SLC45A4: variants seen among roughly 807,000 people sequenced by gnomAD.
The protein encoded by SLC45A4 is solute carrier family 45 member 4, also known as polyamine-transporter SLC45A4.
A neutral mutation model predicts 63.7 loss-of-function variants in SLC45A4; 32 were observed. That is an observed-to-expected ratio of 0.50 (90% CI 0.38 to 0.67). The LOEUF (loss-of-function observed/expected upper bound fraction) is 0.67. Among genes scored for constraint, SLC45A4 ranks in the 30% least tolerant of loss-of-function variants. SLC45A4 has a pLI of 0.00. For synonymous variants in SLC45A4, 535 were observed against 510.0 expected (o/e 1.05, Z -0.66); for missense variants, 1,027 against 1,157.7 (o/e 0.89, Z 1.64).
intron 1 of SLC45A4, among the ~76,000 whole-genome samples, chr8:141,271,028 G>C (rs954094100): frequency 6.6e-6 from 1 of 152,186 alleles, no homozygotes; most frequent in African/African-American, 2.4e-5. Context: ...CAGAGTAAAG[G>C]ACCTACAATG....
At chr8:141,299,898 AT>A (rs906992224) in intron 1 of SLC45A4, among the ~76,000 whole-genome samples, 1 of 152,182 alleles carries the variant, frequency 6.6e-6, no homozygotes, top group African/African-American at 2.4e-5. Context: ...CCAATGGAGG[AT>A]CCCCTTTCCA....
chr8:141,217,229 C>G, intron 5 of SLC45A4, 40 bp from the exon 6 acceptor site: 4 of 1,583,706 alleles, frequency 2.5e-6, no homozygotes, highest in Non-Finnish European at 3.5e-6. Context: ...AGGGCATCTG[C>G]TGGGCCCTCC....
rs1189253603 is a variant in SLC45A4 at position 141,221,640 on chromosome 8, T to G, written c.367A>C (p.Ile123Leu). Reference protein sequence around the residue: ...TLSWGRRRPFILALCVGVLFG... With the variant: ...TLSWGRRRPFLLALCVGVLFG... ...AGGACGCCAACGCAGAGGGCGAGGATGAAGGGCCGCCGGCGGCCCCAGCTC... is the reference window on the plus strand; with the variant it reads ...AGGACGCCAACGCAGAGGGCGAGGAGGAAGGGCCGCCGGCGGCCCCAGCTC... Residue 123 changes from isoleucine (I) to leucine (L), a missense_variant, in exon 3 of 9, where the codon ATC becomes CTC. Ile to Leu is a conservative substitution (Grantham distance 5, BLOSUM62 2). Transcript: ENST00000517878. 3.1e-6 allele frequency: 5 copies of G among 1,613,836 alleles called. No individual in the cohort carries two copies. Among genetic ancestry groups the G allele is most frequent in the South Asian group, 2.2e-5 (2 of 91,074 alleles).
At chr8:141,255,020 A>ATTC (rs1335316615) in intron 1 of SLC45A4, among the ~76,000 whole-genome samples, 6 of 152,350 alleles carry the variant, frequency 3.9e-5, no homozygotes, top group African/African-American at 9.6e-5. Context: ...ATATCATGAA[A>ATTC]GGGAAGTAAG....
At chr8:141,228,595 CT>C in intron 2 of SLC45A4, 1 of 1,140,038 alleles carries the variant, frequency 8.8e-7, no homozygotes, top group Non-Finnish European at 1.1e-6. Context: ...CCATTCTCGG[CT>C]CTTTAAAACA....
chr8:141,278,671 A>C lies in SLC45A4; in HGVS notation c.-400-24042T>G, dbSNP rs543706370. Among the ~76,000 whole-genome samples the C allele has an allele frequency of 1.5e-3, 223 of 152,330 alleles. 1 individual carries two copies. Among genetic ancestry groups the C allele is most frequent in the Non-Finnish European group, 7.1e-4 (48 of 68,026 alleles). ...GGCAGCACAGGCAAGCAAGTGGAGG[A>C]AATAGAGGAACTGTGAGTGAGCAGA... is the stretch of plus-strand genomic sequence containing the variant. On this transcript the variant is annotated intron_variant, in intron 1 of 8. Transcript: ENST00000517878. The surrounding 1 kb of genome is among the most constrained non-coding windows in gnomAD (Gnocchi z 4.1).
At chr8:141,291,249 T>C (rs574657174) in intron 1 of SLC45A4, among the ~76,000 whole-genome samples, 1 of 152,278 alleles carries the variant, frequency 6.6e-6, no homozygotes, top group Admixed American at 6.5e-5. Context: ...AGTTTACAGC[T>C]TTCACCACAT....
At chr8:141,213,319 C>A (rs992123832) in intron 7 of SLC45A4, among the ~76,000 whole-genome samples, 1 of 152,194 alleles carries the variant, frequency 6.6e-6, no homozygotes, top group Non-Finnish European at 1.5e-5. Context: ...TTTACCAACA[C>A]GCGTGATGTG....
At chr8:141,235,923 G>A (rs1317562449) in intron 2 of SLC45A4, among the ~76,000 whole-genome samples, 1 of 152,098 alleles carries the variant, frequency 6.6e-6, no homozygotes, top group East Asian at 1.9e-4. Context: ...CCAACATGGT[G>A]AAACCCCGTC....
rs1249414491 is a variant in SLC45A4, at chr8:141,212,297, A to C, written c.2201T>G (p.Leu734Trp). The C allele has an allele frequency of 6.2e-7, 1 of 1,608,244 alleles. No individual in the cohort carries two copies. The highest frequency in any genetic ancestry group is 1.1e-5 in the South Asian group (1 of 90,942). ...CCCACCGGCCCTGCCTTCGCCGGCCAACGGGGAAGACAGGCCTTTCTGCTC... is the reference window on the plus strand; with the variant it reads ...CCCACCGGCCCTGCCTTCGCCGGCCCACGGGGAAGACAGGCCTTTCTGCTC... ...KEEQKGLSSPLAGEGRAGGNS... is the reference protein window; with the variant it reads ...KEEQKGLSSPWAGEGRAGGNS... Residue 734 changes from leucine to tryptophan, a missense_variant, in exon 8 of 9, where the codon TTG becomes TGG. Leu to Trp is a moderately conservative substitution (Grantham distance 61, BLOSUM62 -2). Coordinates refer to ENST00000517878, the MANE Select transcript of SLC45A4 (RefSeq NM_001286646.2).
rs1825881479 is a variant in SLC45A4 at position 141,212,286 on chromosome 8, C to G, written c.2212G>C (p.Gly738Arg). The G allele has an allele frequency of 6.2e-7, 1 of 1,606,490 alleles. No individual in the cohort carries two copies. Among genetic ancestry groups the G allele is most frequent in the Non-Finnish European group, 8.5e-7 (1 of 1,175,288 alleles). ...TTTTCGCTGTTCCCACCGGCCCTGC[C>G]TTCGCCGGCCAACGGGGAAGACAGG... The part of the protein sequence containing the change: ...KGLSSPLAGE[G>R]RAGGNSEKPT... Residue 738 changes from glycine to arginine, a missense_variant, in exon 8 of 9, where the codon GGC becomes CGC. Coordinates refer to ENST00000517878, the MANE Select transcript of SLC45A4 (RefSeq NM_001286646.2).
At chr8:141,297,291 G>T (rs1211562886) in intron 1 of SLC45A4, among the ~76,000 whole-genome samples, 2 of 151,556 alleles carry the variant, frequency 1.3e-5, no homozygotes, top group East Asian at 3.9e-4. Flanking sequence ...CGGGCACTCT[G>T]CCTGGCAATG....
intron 1 of SLC45A4, among the ~76,000 whole-genome samples, chr8:141,302,348 G>A (rs887425190): frequency 5.3e-5 from 8 of 151,480 alleles, no homozygotes; most frequent in South Asian, 4.2e-4. Flanking sequence ...CAACCTCCAC[G>A]CCACTCACCA....
rs1203692121 is a variant in SLC45A4, at chr8:141,211,517, C to T, written c.*55G>A. The T allele has an allele frequency of 3.7e-6, 6 of 1,612,368 alleles. No homozygotes were observed. Among genetic ancestry groups the T allele is most frequent in the Non-Finnish European group, 1.7e-6 (2 of 1,179,578 alleles). On this transcript the variant is annotated 3_prime_UTR_variant, in exon 9 of 9. Coordinates refer to ENST00000517878, the MANE Select transcript of SLC45A4 (RefSeq NM_001286646.2). ...GTGCGGTCGCTGCCCAAGGACAGGG[C>T]TGCCCTGGGCACAATGTGTCCAACT...
At chr8:141,282,681 G>C (rs1235017857) in intron 1 of SLC45A4, among the ~76,000 whole-genome samples, 3 of 152,268 alleles carry the variant, frequency 2.0e-5, no homozygotes, top group Non-Finnish European at 4.4e-5. Context: ...CTGGGCTACA[G>C]GTAACAGATG....
rs745788433 is a variant in SLC45A4 at position 141,254,676 on chromosome 8, C to T, written c.-400-47G>A. On this transcript the variant is annotated intron_variant, in intron 1 of 8. Transcript: ENST00000517878. This position sits in a 1 kb window ranked among gnomAD's most constrained non-coding sequence, Gnocchi z 4.5. Reference sequence around the variant, plus strand: ...CGGCCAGAGAGTCAGGGGACGGCCACCAGATGGCCCTGTGGACCGCCGCCC... The same window carrying T: ...CGGCCAGAGAGTCAGGGGACGGCCATCAGATGGCCCTGTGGACCGCCGCCC... 1.9e-5 allele frequency: 13 copies of T among 696,722 alleles called. No homozygotes were observed. The highest frequency in any genetic ancestry group is 2.3e-4 in the Middle Eastern group (1 of 4,374). 43.2% of individuals were successfully genotyped at this position (696,722 alleles called of 1,614,324 possible). A position where few individuals can be genotyped will look rare whatever the true frequency, so the allele number is the denominator to read the frequency against.
chr8:141,296,483 A>C (rs1830554630), intron 1 of SLC45A4, among the ~76,000 whole-genome samples: 1 of 146,674 alleles, frequency 6.8e-6, no homozygotes, highest in African/African-American at 2.5e-5. Flanking sequence ...TGGGTGACAG[A>C]GCAAGACCTC....
intron 1 of SLC45A4, among the ~76,000 whole-genome samples, chr8:141,262,628 T>G (rs1471169245): frequency 6.6e-6 from 1 of 151,298 alleles, no homozygotes; most frequent in Non-Finnish European, 1.5e-5. Flanking sequence ...TCATCATCAC[T>G]GGCCATCAGA....
chr8:141,212,849 T>C (rs1825923454), intron 7 of SLC45A4, among the ~76,000 whole-genome samples: 1 of 152,008 alleles, frequency 6.6e-6, no homozygotes, highest in Non-Finnish European at 1.5e-5. Context: ...CAAGGAGAGG[T>C]GGCAGGGCCA....
Sources: gnomAD v4.1 joint callset for allele counts (sites outside exome capture counted in the v4.1 genomes callset) on GRCh38, gnomAD v4.1.1 for gene constraint, Gnocchi (gnomAD v3.1) non-coding constraint, MANE v1.5 for transcripts, NCBI Gene and HGNC (gene_info 2026-07-23, HGNC 2026-07-21) for gene names.